The following SLC1A1 variants were observed in gnomAD, a reference collection of about 807,000 sequenced individuals.
SLC1A1 encodes solute carrier family 1 member 1, also known as excitatory amino acid transporter 3.
Under a neutral mutation model 53.3 loss-of-function variants are expected in SLC1A1, and 43 were observed. The observed-to-expected ratio is 0.81, with a 90% CI of 0.63 to 1.04. The LOEUF (loss-of-function observed/expected upper bound fraction) is 1.04. Among genes scored for constraint, SLC1A1 ranks in the 50% least tolerant of loss-of-function variants. The pLI, the probability that SLC1A1 is intolerant of heterozygous loss-of-function variation, is 0.00. For missense variants in SLC1A1, 748 were observed against 664.9 expected (o/e 1.12, Z -1.37); for synonymous variants, 307 against 243.2 (o/e 1.26, Z -2.44).
chr9:4,536,345 C>T (rs572407394), intron 1 of SLC1A1, among the ~76,000 whole-genome samples: 1 of 93,922 alleles, frequency 1.1e-5, no homozygotes, highest in South Asian at 2.6e-4. Context: ...AACAAATCTA[C>T]AAGAAAAAAA....
chr9:4,490,625 G>T lies in SLC1A1; in HGVS notation c.-55G>T. The T allele has an allele frequency of 6.8e-7, 1 of 1,463,018 alleles. No homozygotes were observed. Among genetic ancestry groups the T allele is most frequent in the Non-Finnish European group, 9.5e-7 (1 of 1,051,858 alleles). The allele number at this position is 1,463,018 out of a possible 1,614,324, so 90.6% of individuals were successfully genotyped here. A position where few individuals can be genotyped will look rare whatever the true frequency, so the allele number is the denominator to read the frequency against. On this transcript the variant is annotated 5_prime_UTR_variant, in exon 1 of 12. Transcript: ENST00000262352. ...CCGCCGAGCAGCCAGCAGTCCCCGG[G>T]TCGCCCAGCCCACGCGCGCACGGCC...
chr9:4,580,510 G>C (rs1253293845), intron 10 of SLC1A1, among the ~76,000 whole-genome samples: 5 of 151,760 alleles, frequency 3.3e-5, no homozygotes, highest in African/African-American at 1.2e-4. Flanking sequence ...GAGCCCAATA[G>C]GTGGAGGCTG....
chr9:4,514,522 AC>A (rs1436591252), intron 1 of SLC1A1, among the ~76,000 whole-genome samples: 2 of 152,118 alleles, frequency 1.3e-5, no homozygotes, highest in African/African-American at 4.8e-5. Context: ...CTTTCCAAAT[AC>A]ACTTGGGCTG....
chr9:4,497,733 C>G (rs954054055), intron 1 of SLC1A1, among the ~76,000 whole-genome samples: 1 of 152,060 alleles, frequency 6.6e-6, no homozygotes, highest in Non-Finnish European at 1.5e-5. Flanking sequence ...CCTTGAGGTC[C>G]CTCTTATTAC....
rs573678339 is a variant in SLC1A1 at position 4,501,656 on chromosome 9, G to C, written c.91+10886G>C. On this transcript the variant is annotated intron_variant, in intron 1 of 11. Coordinates refer to ENST00000262352, the MANE Select transcript of SLC1A1 (RefSeq NM_004170.6). ...GTGCATGCCTGTAATCCCAGCTACT[G>C]GGGAGGCTGAGGCAGGAGAATTGCT... Among the ~76,000 whole-genome samples, 113 of 151,618 alleles carry C rather than the reference G, an allele frequency of 7.5e-4. 6 individuals carry two copies. Among genetic ancestry groups the C allele is most frequent in the African/African-American group, 2.7e-3 (112 of 41,034 alleles).
intron 3 of SLC1A1, 113 bp downstream of exon 3, chr9:4,561,654 G>C (rs1818954077): frequency 5.2e-6 from 4 of 764,240 alleles, no homozygotes; most frequent in Admixed American, 3.5e-5. Flanking sequence ...AAATCTGGGA[G>C]GCTGATGTGG....
At chr9:4,533,506 A>C (rs1405265676) in intron 1 of SLC1A1, among the ~76,000 whole-genome samples, 4 of 152,216 alleles carry the variant, frequency 2.6e-5, no homozygotes, top group African/African-American at 4.8e-5. Context: ...TTCAACAAGA[A>C]GAGCTAACTA....
At chr9:4,527,307 C>T (rs1199529572) in intron 1 of SLC1A1, among the ~76,000 whole-genome samples, 1 of 152,156 alleles carries the variant, frequency 6.6e-6, no homozygotes, top group African/African-American at 2.4e-5. Flanking sequence ...TGTAGCTGTG[C>T]TCAGACTCCT....
intron 1 of SLC1A1, among the ~76,000 whole-genome samples, chr9:4,531,872 A>G (rs762982766): frequency 4.6e-5 from 7 of 152,178 alleles, no homozygotes; most frequent in Non-Finnish European, 8.8e-5. Context: ...CAGAGAAATG[A>G]TCAGGAAGCA....
At chr9:4,532,726 C>T (rs917780678) in intron 1 of SLC1A1, among the ~76,000 whole-genome samples, 2 of 152,136 alleles carry the variant, frequency 1.3e-5, no homozygotes, top group Non-Finnish European at 2.9e-5. Context: ...CACAAAGATA[C>T]TCCTCGAGAA....
intron 2 of SLC1A1, among the ~76,000 whole-genome samples, chr9:4,547,409 T>C (rs960436839): frequency 2.6e-5 from 4 of 152,190 alleles, no homozygotes; most frequent in African/African-American, 9.7e-5. Context: ...CCCCATCTTT[T>C]GATTTGGAGC....
Position 4,567,666 on chromosome 9 carries a change from C to T in SLC1A1, c.484-3C>T. Reference sequence around the variant, plus strand: ...CTTGTCCTTGATTTTCTCCAACATGCAGTACAAAACTAAGCGTGAAGAAGT... The same window carrying T: ...CTTGTCCTTGATTTTCTCCAACATGTAGTACAAAACTAAGCGTGAAGAAGT... On this transcript the variant is annotated splice_polypyrimidine_tract_variant and splice_region_variant and intron_variant, in intron 5 of 11. Coordinates refer to ENST00000262352, the MANE Select transcript of SLC1A1 (RefSeq NM_004170.6). 6.3e-7 allele frequency: 1 copy of T among 1,593,190 alleles called. No individual in the cohort carries two copies. Among genetic ancestry groups the T allele is most frequent in the East Asian group, 2.2e-5 (1 of 44,766 alleles).
chr9:4,561,381 A>G (rs956720449), intron 2 of SLC1A1, 68 bp from the exon 3 acceptor site: 97 of 944,674 alleles, frequency 1.0e-4, no homozygotes, highest in Non-Finnish European at 1.6e-4. Context: ...CAACCTGAGG[A>G]TTAAATCGCG....
intron 2 of SLC1A1, among the ~76,000 whole-genome samples, chr9:4,547,533 C>A (rs1817590815): frequency 6.6e-6 from 1 of 152,184 alleles, no homozygotes; most frequent in Admixed American, 6.5e-5. Flanking sequence ...CTAGTGTTGG[C>A]ACAGTTATAG....
chr9:4,564,283 C>G, intron 3 of SLC1A1, 61 bp from the exon 4 acceptor site: 1 of 1,132,856 alleles, frequency 8.8e-7, no homozygotes, highest in Non-Finnish European at 1.3e-6. Flanking sequence ...CTAAAGGTGC[C>G]AGCTGTGCCA....
At chr9:4,560,301 A>G (rs562983173) in intron 2 of SLC1A1, among the ~76,000 whole-genome samples, 2 of 152,364 alleles carry the variant, frequency 1.3e-5, no homozygotes, top group African/African-American at 4.8e-5. Context: ...AGATCCAGCA[A>G]TAAGTGGATC....
At position 4,539,496 on chromosome 9, in the gene SLC1A1, G is replaced by C. The variant is rs148953268; in HGVS notation, c.92-5071G>C. ...TCTTCTCTTTTAAACTTTCATCTTT[G>C]AACTTAAAGATGATCCCTAGCTGAG... On this transcript the variant is annotated intron_variant, in intron 1 of 11. Coordinates refer to ENST00000262352, the MANE Select transcript of SLC1A1 (RefSeq NM_004170.6). Among the ~76,000 whole-genome samples the C allele has an allele frequency of 7.2e-4, 110 of 151,728 alleles. 1 individual carries two copies. The highest frequency in any genetic ancestry group is 2.6e-3 in the African/African-American group (107 of 41,104).
intron 1 of SLC1A1, among the ~76,000 whole-genome samples, chr9:4,511,201 G>A (rs866967496): frequency 6.6e-6 from 1 of 152,308 alleles, no homozygotes; most frequent in East Asian, 1.9e-4. Flanking sequence ...AGACTACGTA[G>A]CTTATAAACA....
chr9:4,533,155 C>T (rs1816541578), intron 1 of SLC1A1, among the ~76,000 whole-genome samples: 1 of 152,180 alleles, frequency 6.6e-6, no homozygotes, highest in African/African-American at 2.4e-5. Flanking sequence ...ACTGCATCAA[C>T]TAACGAGCAA....
Sources: allele counts gnomAD v4.1 joint callset (sites outside exome capture counted in the v4.1 genomes callset), GRCh38; gene constraint gnomAD v4.1.1; transcripts MANE v1.5; gene names NCBI Gene and HGNC (gene_info 2026-07-23, HGNC 2026-07-21).